The following GRK1 variants were observed in gnomAD, a reference collection of about 807,000 sequenced individuals.
GRK1 encodes the protein rhodopsin kinase GRK1.
A neutral mutation model predicts 41.7 loss-of-function variants in GRK1; 28 were observed. The ratio of observed to expected loss-of-function variants is 0.67; its 90% CI spans 0.50 to 0.92. The LOEUF is 0.92. Ranked by LOEUF, GRK1 falls within the 40% of genes least tolerant of loss-of-function variation. The probability of loss-of-function intolerance (pLI) is 0.00; values close to 1 mark genes in which losing one functional copy is unlikely to be tolerated. For missense variants in GRK1, 703 were observed against 671.2 expected (o/e 1.05, Z -0.52); for synonymous variants, 327 against 286.7 (o/e 1.14, Z -1.42).
At chr13:113,658,032 C>G in the GRK1 span, 1 of 1,597,594 alleles carries the variant, frequency 6.3e-7, no homozygotes, top group Non-Finnish European at 8.5e-7. Context: ...CCCGCACGTA[C>G]CCCACCGGGA....
At chr13:113,650,336 G>A in the GRK1 span, 1 of 1,434,938 alleles carries the variant, frequency 7.0e-7, no homozygotes. The surrounding 1 kb of genome is among the most constrained non-coding windows in gnomAD (Gnocchi z 5.0). Context: ...GGGGCTTATT[G>A]CTTTCCTTTC....
chr13:113,734,063 TG>T (rs1441669839), intron 6 of GRK1, among the ~76,000 whole-genome samples: 1 of 151,470 alleles, frequency 6.6e-6, no homozygotes, highest in Non-Finnish European at 1.5e-5. Context: ...TGTGTGTGCA[TG>T]TGTGTGCGTG....
chr13:113,665,605 G>A (rs1294933897), upstream of GRK1, among the ~76,000 whole-genome samples: 1 of 142,136 alleles, frequency 7.0e-6, no homozygotes, highest in Non-Finnish European at 1.5e-5. Context: ...AGCTGTCCCA[G>A]GTGTGCCCCA....
At chr13:113,660,264 A>AC in the GRK1 span, among the ~76,000 whole-genome samples, 20 of 152,252 alleles carry the variant, frequency 1.3e-4, no homozygotes, top group South Asian at 2.1e-3. Flanking sequence ...AACGTAGTAG[A>AC]AAGTTAGGAC....
chr13:113,654,508 C>T, the GRK1 span, among the ~76,000 whole-genome samples: 1 of 152,256 alleles, frequency 6.6e-6, no homozygotes, highest in African/African-American at 2.4e-5. Flanking sequence ...GTCTCTATAA[C>T]AAAACCCTTC....
the GRK1 span, chr13:113,654,992 A>G: frequency 1.2e-6 from 2 of 1,609,040 alleles, no homozygotes; most frequent in East Asian, 2.2e-5. Context: ...ATTTTAACGC[A>G]CACAATTCGG....
At chr13:113,651,731 G>T in the GRK1 span, 1 of 1,613,676 alleles carries the variant, frequency 6.2e-7, no homozygotes, top group Admixed American at 1.7e-5. Context: ...TGACGATCTA[G>T]AAGGGAAAAG....
chr13:113,733,714 CACGTGTGTGT>C (rs1566699741), intron 6 of GRK1, among the ~76,000 whole-genome samples: 1 of 93,704 alleles, frequency 1.1e-5, no homozygotes, highest in African/African-American at 5.0e-5. Context: ...CGTGTGTGCG[CACGTGTGTGT>C]GCGCGCGTGT....
the GRK1 span, among the ~76,000 whole-genome samples, chr13:113,655,107 C>T: frequency 2.0e-5 from 3 of 152,234 alleles, no homozygotes; most frequent in Admixed American, 6.5e-5. Context: ...ACAGTCACTA[C>T]AATCCCCTCC....
chr13:113,666,908 C>G (rs2049822326), upstream of GRK1, among the ~76,000 whole-genome samples: 1 of 152,192 alleles, frequency 6.6e-6, no homozygotes, highest in African/African-American at 2.4e-5. Context: ...CCGTCAGGCC[C>G]ACATCCCAAG....
At chr13:113,733,652 CGTGT>C (rs1315693149) in intron 6 of GRK1, among the ~76,000 whole-genome samples, 10 of 79,582 alleles carry the variant, frequency 1.3e-4, no homozygotes, top group Admixed American at 9.9e-4. Flanking sequence ...TGTGTGCATA[CGTGT>C]GTGTGCGTGT....
the GRK1 span, chr13:113,652,881 T>TC: frequency 2.5e-6 from 4 of 1,614,194 alleles, no homozygotes; most frequent in Non-Finnish European, 3.4e-6. Context: ...ACCCTGTTCA[T>TC]TTTAATAATA....
intron 6 of GRK1, 46 bp downstream of exon 6, chr13:113,733,131 G>T (rs1017012214): frequency 1.3e-5 from 20 of 1,503,318 alleles, no homozygotes; most frequent in African/African-American, 1.4e-5. Flanking sequence ...GTTCTGTGCT[G>T]TGTGGCCCTT....
Position 113,733,591 on chromosome 13 carries a change from G to T in GRK1, c.1396+506G>T, listed in dbSNP as rs1332448251. ...TATGTGTATGTGTGTGCATACGTGT[G>T]TGTGCATGTGTGCGCATGTGTATGT... On this transcript the variant is annotated intron_variant, in intron 6 of 6. Transcript: ENST00000335678. Among the ~76,000 whole-genome samples, 13 of 151,460 alleles carry T rather than the reference G, an allele frequency of 8.6e-5. 1 individual carries two copies. Among genetic ancestry groups the T allele is most frequent in the African/African-American group, 3.2e-4 (13 of 40,920 alleles).
At position 113,736,292 on chromosome 13, in the gene GRK1, T is replaced by G. The variant is rs1017674845; in HGVS notation, c.*929T>G. The G allele has an allele frequency of 1.3e-5, 2 of 152,240 alleles. No individual in the cohort carries two copies. The highest frequency in any genetic ancestry group is 2.9e-5 in the Non-Finnish European group (2 of 68,096). 9.4% of individuals were successfully genotyped at this position (152,240 alleles called of 1,614,324 possible). On this transcript the variant is annotated 3_prime_UTR_variant, in exon 7 of 7. Coordinates refer to ENST00000335678, the MANE Select transcript of GRK1 (RefSeq NM_002929.3). ...TCCGTCTCATCTCCCAGGGGACACT[T>G]CAGGCCACGGGCCTTGTGCATAGGG... is the stretch of plus-strand genomic sequence containing the variant.
upstream of GRK1, among the ~76,000 whole-genome samples, chr13:113,663,914 C>T (rs1257299971): frequency 2.6e-5 from 4 of 152,172 alleles, no homozygotes; most frequent in South Asian, 4.1e-4. Context: ...CGTGCAATTA[C>T]GACACTTTTA....
chr13:113,665,335 T>C (rs976705620), upstream of GRK1, among the ~76,000 whole-genome samples: 1 of 152,116 alleles, frequency 6.6e-6, no homozygotes, highest in Non-Finnish European at 1.5e-5. Context: ...TCCCCAGGTG[T>C]GTCCCAGGTG....
upstream of GRK1, among the ~76,000 whole-genome samples, chr13:113,666,302 C>T (rs939006734): frequency 6.9e-6 from 1 of 145,716 alleles, no homozygotes; most frequent in South Asian, 2.3e-4. Context: ...CCAGGTGTTC[C>T]CCAGCTGTCC....
At chr13:113,653,481 A>G in the GRK1 span, 5 of 1,546,092 alleles carry the variant, frequency 3.2e-6, no homozygotes, top group African/African-American at 1.4e-5. Context: ...TGCTCACCAC[A>G]TTTAAGCCAT....
Sources: gnomAD v4.1 joint callset for allele counts (sites outside exome capture counted in the v4.1 genomes callset) on GRCh38, gnomAD v4.1.1 for gene constraint, Gnocchi (gnomAD v3.1) non-coding constraint, MANE v1.5 for transcripts, NCBI Gene and HGNC (gene_info 2026-07-23, HGNC 2026-07-21) for gene names.